The following PMS1 variants were observed in gnomAD, a reference collection of about 807,000 sequenced individuals.
PMS1 encodes PMS1 homolog 1, mismatch repair system component, also known as PMS1 protein homolog 1.
A neutral mutation model predicts 93.1 loss-of-function variants in PMS1; 79 were observed. That is an observed-to-expected ratio of 0.85 (90% confidence interval 0.71 to 1.02). The LOEUF (loss-of-function observed/expected upper bound fraction) is 1.02, where lower values mean the gene tolerates loss of function less well. PMS1 is among the 50% of genes least tolerant of loss of function. PMS1 has a pLI of 0.00. For missense variants in PMS1, 1,064 were observed against 1,085.3 expected (o/e 0.98, Z 0.28); for synonymous variants, 335 against 363.4 (o/e 0.92, Z 0.89).
At chr2:189,852,231 A>C (rs2054815056) in intron 6 of PMS1, among the ~76,000 whole-genome samples, 1 of 152,160 alleles carries the variant, frequency 6.6e-6, no homozygotes, top group Non-Finnish European at 1.5e-5. Flanking sequence ...CTCAGAATGA[A>C]GATAGAAACA....
intron 9 of PMS1, among the ~76,000 whole-genome samples, chr2:189,856,758 T>C (rs980505302): frequency 6.6e-6 from 1 of 152,172 alleles, no homozygotes; most frequent in Non-Finnish European, 1.5e-5. Flanking sequence ...TGGAAACTTA[T>C]CTTGCTGACT....
chr2:189,798,200 C>T (rs1014502439), intron 3 of PMS1, among the ~76,000 whole-genome samples: 5 of 152,162 alleles, frequency 3.3e-5, no homozygotes, highest in East Asian at 1.9e-4. Context: ...ATATCACTTC[C>T]GCGCCACTGT....
intron 2 of PMS1, 34 bp downstream of exon 2, chr2:189,791,975 A>G (rs768918379): frequency 8.7e-6 from 14 of 1,602,220 alleles, no homozygotes; most frequent in Admixed American, 6.7e-5. Flanking sequence ...TACCTTTAAG[A>G]CAAAGAAAAG....
intron 9 of PMS1, among the ~76,000 whole-genome samples, chr2:189,859,719 C>T (rs1575318636): frequency 6.6e-6 from 1 of 151,872 alleles, no homozygotes; most frequent in South Asian, 2.1e-4. Flanking sequence ...TATAATTTTT[C>T]GAACATCCAT....
intron 4 of PMS1, among the ~76,000 whole-genome samples, chr2:189,810,503 C>G (rs770371056): frequency 6.6e-6 from 1 of 152,110 alleles, no homozygotes. Context: ...AAGGAGAAAC[C>G]AGCTGAACTT....
intron 6 of PMS1, among the ~76,000 whole-genome samples, chr2:189,847,337 A>G (rs962813987): frequency 6.6e-6 from 1 of 151,838 alleles, no homozygotes; most frequent in African/African-American, 2.4e-5. Context: ...GATAATTTCT[A>G]TTTTTTATGA....
intron 5 of PMS1, among the ~76,000 whole-genome samples, chr2:189,843,191 T>C (rs980228667): frequency 3.3e-5 from 5 of 151,756 alleles, no homozygotes; most frequent in Admixed American, 6.6e-5. Context: ...CTGATTTTTG[T>C]ATTTTTAGTA....
In PMS1 at chr2:189,791,858, A is replaced by G. The variant is rs151231718; in HGVS notation, c.49A>G (p.Ile17Val). The G allele has an allele frequency of 6.2e-6, 10 of 1,613,834 alleles. No homozygotes were observed. In the African/African-American group the frequency reaches 1.3e-4, roughly 22 times the overall value. The change falls in exon 2 of 13, where the codon ATC becomes GTC. Residue 17 changes from isoleucine (I) to valine (V), a missense_variant. Transcript: ENST00000441310. ...AGTTCGACTCCTTTCAAGTTCTCAGATCATCACTTCGGTGGTCAGTGTTGT... is the reference window on the plus strand; with the variant it reads ...AGTTCGACTCCTTTCAAGTTCTCAGGTCATCACTTCGGTGGTCAGTGTTGT... ...ATVRLLSSSQ[I>V]ITSVVSVVKE...
chr2:189,786,616 C>T (rs551677023), intron 1 of PMS1, among the ~76,000 whole-genome samples: 1 of 152,260 alleles, frequency 6.6e-6, no homozygotes, highest in East Asian at 1.9e-4. Context: ...TGATCTTGAG[C>T]AAGTTACCAT....
chr2:189,786,922 G>A (rs934048584), intron 1 of PMS1, among the ~76,000 whole-genome samples: 9 of 152,004 alleles, frequency 5.9e-5, no homozygotes, highest in South Asian at 2.1e-4. Flanking sequence ...GTGTGGTGGC[G>A]GGCACCTGTA....
chr2:189,835,779 T>C (rs752079133), intron 5 of PMS1, among the ~76,000 whole-genome samples: 1 of 151,774 alleles, frequency 6.6e-6, no homozygotes, highest in Non-Finnish European at 1.5e-5. Flanking sequence ...TACAAAAAAA[T>C]TAGCTGGGCG....
At chr2:189,788,640 A>G (rs967055702) in intron 1 of PMS1, among the ~76,000 whole-genome samples, 1 of 152,096 alleles carries the variant, frequency 6.6e-6, no homozygotes, top group African/African-American at 2.4e-5. Flanking sequence ...CATTAAACAG[A>G]TTTTTTAAAA....
chr2:189,805,123 C>G (rs1269485733), intron 3 of PMS1, among the ~76,000 whole-genome samples: 2 of 151,616 alleles, frequency 1.3e-5, no homozygotes, highest in Non-Finnish European at 1.5e-5. Context: ...AAAAATTTAG[C>G]CTTAATGAGT....
At chr2:189,846,848 C>A (rs1324196598) in intron 6 of PMS1, among the ~76,000 whole-genome samples, 1 of 151,464 alleles carries the variant, frequency 6.6e-6, no homozygotes, top group African/African-American at 2.4e-5. Context: ...ACAATACATT[C>A]CACTTCTTTT....
At chr2:189,786,680 G>C (rs1210018103) in intron 1 of PMS1, among the ~76,000 whole-genome samples, 4 of 152,160 alleles carry the variant, frequency 2.6e-5, no homozygotes, top group Admixed American at 6.5e-5. Flanking sequence ...GAGTTGTTGT[G>C]AGGATTAAAT....
intron 1 of PMS1, among the ~76,000 whole-genome samples, chr2:189,787,172 A>G (rs1042786007): frequency 2.0e-5 from 3 of 152,226 alleles, no homozygotes; most frequent in African/African-American, 7.2e-5. Flanking sequence ...TAAGGCCCTA[A>G]AGTCCAGAAA....
chr2:189,821,453 T>G (rs2051866264), intron 5 of PMS1, among the ~76,000 whole-genome samples: 1 of 127,178 alleles, frequency 7.9e-6, no homozygotes, highest in Non-Finnish European at 1.6e-5. Context: ...GGAGACTCCG[T>G]CTCAAAAAAA....
intron 5 of PMS1, among the ~76,000 whole-genome samples, chr2:189,830,215 G>C (rs2052801450): frequency 6.6e-6 from 1 of 152,204 alleles, no homozygotes; most frequent in South Asian, 2.1e-4. Flanking sequence ...ACAAAAACAG[G>C]AAGGCCATGG....
intron 1 of PMS1, among the ~76,000 whole-genome samples, chr2:189,791,104 A>G (rs1043566253): frequency 6.6e-6 from 1 of 151,784 alleles, no homozygotes; most frequent in African/African-American, 2.4e-5. Context: ...GTGGCAGAAT[A>G]TTGTGGATTT....
Sources: gnomAD v4.1 joint callset for allele counts (sites outside exome capture counted in the v4.1 genomes callset) on GRCh38, gnomAD v4.1.1 for gene constraint, MANE v1.5 for transcripts, NCBI Gene and HGNC (gene_info 2026-07-23, HGNC 2026-07-21) for gene names.